EIF4ENIF1: variants seen among roughly 807,000 people sequenced by gnomAD.
EIF4ENIF1 encodes eukaryotic translation initiation factor 4E nuclear import factor 1.
In EIF4ENIF1, 23 loss-of-function variants were observed where a neutral mutation model predicts 110.5. That is an observed-to-expected ratio of 0.21 (90% CI 0.15 to 0.29). EIF4ENIF1 has a LOEUF of 0.29. EIF4ENIF1 is among the 10% of genes least tolerant of loss of function. EIF4ENIF1 has a pLI of 1.00. For synonymous variants in EIF4ENIF1, 440 were observed against 437.0 expected (o/e 1.01, Z -0.09); for missense variants, 1,031 against 1,221.1 (o/e 0.84, Z 2.32).
At chr22:31,460,914 C>T (rs979106213) in intron 6 of EIF4ENIF1, among the ~76,000 whole-genome samples, 3 of 152,124 alleles carry the variant, frequency 2.0e-5, no homozygotes, top group African/African-American at 7.2e-5. Context: ...CACTGCACTC[C>T]AGCCTAGGCA....
At chr22:31,441,724 G>T in intron 17 of EIF4ENIF1, 50 bp downstream of exon 17, 1 of 1,461,580 alleles carries the variant, frequency 6.8e-7, no homozygotes, top group Non-Finnish European at 9.3e-7. Flanking sequence ...GCCAACAATT[G>T]TCCCCTAGGC....
intron 2 of EIF4ENIF1, among the ~76,000 whole-genome samples, chr22:31,476,381 T>A (rs879463050): frequency 3.3e-5 from 5 of 152,174 alleles, no homozygotes; most frequent in Non-Finnish European, 7.3e-5. Context: ...TTTTACCTAT[T>A]TATTTAGGAG....
chr22:31,484,728 G>T (rs952894155), intron 2 of EIF4ENIF1, among the ~76,000 whole-genome samples: 8 of 152,156 alleles, frequency 5.3e-5, no homozygotes, highest in African/African-American at 1.9e-4. Context: ...CAGCTACTCA[G>T]GAAGGTGAAG....
At chr22:31,481,590 A>T (rs2051818144) in intron 2 of EIF4ENIF1, among the ~76,000 whole-genome samples, 1 of 152,218 alleles carries the variant, frequency 6.6e-6, no homozygotes, top group African/African-American at 2.4e-5. Context: ...GGAAAAAGGG[A>T]CCACCTGATT....
rs555727518 is a variant in EIF4ENIF1, at chr22:31,466,370, G to A, written c.298+1805C>T. 2.6e-5 allele frequency among the ~76,000 whole-genome samples: 4 copies of A among 151,768 alleles called. No individual in the cohort carries two copies. The South Asian group carries it at 8.3e-4, about 32-fold the overall frequency. On this transcript the variant is annotated intron_variant, in intron 4 of 18. Coordinates refer to ENST00000330125, the MANE Select transcript of EIF4ENIF1 (RefSeq NM_019843.4). ...AGAGGTTGCAGTGAGCCGAGATCGCGCCACTGCACTCCAGCCTGGGTGACA... is the reference window on the plus strand; with the variant it reads ...AGAGGTTGCAGTGAGCCGAGATCGCACCACTGCACTCCAGCCTGGGTGACA...
At chr22:31,446,334 A>G (rs887836121) in intron 14 of EIF4ENIF1, among the ~76,000 whole-genome samples, 10 of 151,426 alleles carry the variant, frequency 6.6e-5, no homozygotes, top group Non-Finnish European at 1.0e-4. Context: ...AATCACATCA[A>G]TGAATACTAG....
chr22:31,448,736 C>T (rs575746544), intron 12 of EIF4ENIF1, among the ~76,000 whole-genome samples: 1 of 152,328 alleles, frequency 6.6e-6, no homozygotes, highest in Non-Finnish European at 1.5e-5. Flanking sequence ...ACTTTTCTTT[C>T]AGTCACATTC....
intron 2 of EIF4ENIF1, among the ~76,000 whole-genome samples, chr22:31,480,750 C>G (rs138249537): frequency 6.6e-6 from 1 of 151,614 alleles, no homozygotes; most frequent in East Asian, 2.0e-4. Flanking sequence ...AACAAAACTC[C>G]CTCTGAAAAC....
chr22:31,442,185 C>CT, intron 16 of EIF4ENIF1, 67 bp from the exon 17 acceptor site: 1 of 1,203,926 alleles, frequency 8.3e-7, no homozygotes, highest in South Asian at 1.4e-5. Flanking sequence ...TCCCACTGGT[C>CT]TAATAAATCT....
downstream of EIF4ENIF1, among the ~76,000 whole-genome samples, chr22:31,439,148 C>A (rs186057955): frequency 2.0e-5 from 3 of 152,080 alleles, no homozygotes; most frequent in Admixed American, 1.3e-4. Flanking sequence ...AAGACCCTGC[C>A]TCTACAAAAA....
In EIF4ENIF1 at chr22:31,468,257, T is replaced by G. The variant is rs762691831; in HGVS notation, c.216A>C (p.Pro72=). Residue 72 remains proline, a synonymous_variant, in exon 4 of 19, where the codon CCA becomes CCC. Transcript: ENST00000330125. ...CCACTGGTGAGCTCCGCCCTGAAGC[T>G]GGGTAGAGAGAGGCATGCCACTTCT... ...DPEKWHASLY[P]ASGRSSPVES... 1 of 1,614,036 alleles carries G rather than the reference T, an allele frequency of 6.2e-7. No individual in the cohort carries two copies. The highest frequency in any genetic ancestry group is 1.3e-5 in the African/African-American group (1 of 74,916).
intron 3 of EIF4ENIF1, among the ~76,000 whole-genome samples, chr22:31,469,526 C>T (rs1228226606): frequency 6.6e-6 from 1 of 152,128 alleles, no homozygotes; most frequent in Non-Finnish European, 1.5e-5. Context: ...TATATACTAC[C>T]TACCTTCTAG....
At chr22:31,467,235 T>C (rs2051220279) in intron 4 of EIF4ENIF1, among the ~76,000 whole-genome samples, 1 of 152,174 alleles carries the variant, frequency 6.6e-6, no homozygotes, top group Non-Finnish European at 1.5e-5. Context: ...TGAGAGACAT[T>C]ACTGTACTGA....
intron 4 of EIF4ENIF1, among the ~76,000 whole-genome samples, chr22:31,466,428 A>G (rs1052888565): frequency 6.8e-6 from 1 of 148,064 alleles, no homozygotes; most frequent in Non-Finnish European, 1.5e-5. Flanking sequence ...GGGGAAAAAA[A>G]AATTAGCTGG....
chr22:31,455,731 G>C (rs2050794207), intron 8 of EIF4ENIF1, 121 bp downstream of exon 8: 1 of 1,302,996 alleles, frequency 7.7e-7, no homozygotes, highest in Non-Finnish European at 1.1e-6. Context: ...CAAATTGAAG[G>C]CTTTTCAGTT....
At chr22:31,463,651 TAAA>T (rs71319194) in intron 5 of EIF4ENIF1, 27 bp downstream of exon 5, 4,440 of 1,319,482 alleles carry the variant, frequency 3.4e-3, no homozygotes, top group East Asian at 5.9e-3. Context: ...CGTCTCAATT[TAAA>T]AAAAAAAAAA....
chr22:31,460,222 G>A (rs903720963), intron 6 of EIF4ENIF1, among the ~76,000 whole-genome samples: 2 of 152,174 alleles, frequency 1.3e-5, no homozygotes, highest in African/African-American at 2.4e-5. Context: ...AAAAGAAGAT[G>A]AGTATTTTGA....
chr22:31,459,516 A>G (rs1271691171), intron 6 of EIF4ENIF1, among the ~76,000 whole-genome samples: 1 of 152,116 alleles, frequency 6.6e-6, no homozygotes, highest in East Asian at 1.9e-4. Context: ...CCTACCTAGT[A>G]AAATTAATTG....
chr22:31,459,118 G>A (rs2050915415), intron 6 of EIF4ENIF1, among the ~76,000 whole-genome samples: 1 of 151,976 alleles, frequency 6.6e-6, no homozygotes, highest in Non-Finnish European at 1.5e-5. Flanking sequence ...TGTAGAGACT[G>A]AGTCTCGCTA....
Sources: allele counts gnomAD v4.1 joint callset (sites outside exome capture counted in the v4.1 genomes callset), GRCh38; gene constraint gnomAD v4.1.1; transcripts MANE v1.5; gene names NCBI Gene and HGNC (gene_info 2026-07-23, HGNC 2026-07-21).